Variants in NCAM2 observed in about 807,000 individuals in gnomAD.
NCAM2 encodes neural cell adhesion molecule 2.
A neutral mutation model predicts 98.1 loss-of-function variants in NCAM2; 30 were observed. The observed-to-expected ratio is 0.31, with a 90% CI of 0.23 to 0.41. The LOEUF is 0.41. Among genes scored for constraint, NCAM2 ranks in the 10% least tolerant of loss-of-function variants. The pLI, the probability that NCAM2 is intolerant of heterozygous loss-of-function variation, is 1.00. For synonymous variants in NCAM2, 368 were observed against 342.4 expected (o/e 1.07, Z -0.83); for missense variants, 867 against 1,005.8 (o/e 0.86, Z 1.87).
chr21:21,306,810 C>T (rs1035882332), intron 5 of NCAM2, among the ~76,000 whole-genome samples: 1 of 151,990 alleles, frequency 6.6e-6, no homozygotes, highest in Admixed American at 6.6e-5. Flanking sequence ...TATTTTTGTA[C>T]CCATTTACCA....
chr21:21,197,331 T>C (rs1189925329), intron 1 of NCAM2, among the ~76,000 whole-genome samples: 1 of 152,124 alleles, frequency 6.6e-6, no homozygotes. Flanking sequence ...GGTTTCACCA[T>C]GTTGGCCAGG....
At chr21:21,212,829 G>A (rs890971643) in intron 1 of NCAM2, among the ~76,000 whole-genome samples, 15 of 144,236 alleles carry the variant, frequency 1.0e-4, no homozygotes, top group Admixed American at 1.0e-3. Flanking sequence ...TGCGAGCACC[G>A]CCTCCCGGGC....
chr21:21,102,036 C>G (rs964340859), intron 1 of NCAM2, among the ~76,000 whole-genome samples: 6 of 152,012 alleles, frequency 3.9e-5, no homozygotes, highest in African/African-American at 1.4e-4. Context: ...CTTTGTGCAA[C>G]ATTGATGTTG....
chr21:21,169,006 A>G (rs766482784), intron 1 of NCAM2, among the ~76,000 whole-genome samples: 4 of 152,176 alleles, frequency 2.6e-5, no homozygotes, highest in Non-Finnish European at 5.9e-5. Flanking sequence ...GCAGAAGAAC[A>G]AAGTTGGAAG....
At chr21:21,029,508 AC>A (rs201905679) in intron 1 of NCAM2, among the ~76,000 whole-genome samples, 2,656 of 152,314 alleles carry the variant, frequency 0.017, 67 homozygotes, top group African/African-American at 0.061. Flanking sequence ...AGAACTTAGG[AC>A]AGTGGATTTG....
chr21:21,340,111 A>G (rs2074983574), intron 8 of NCAM2, among the ~76,000 whole-genome samples: 1 of 151,862 alleles, frequency 6.6e-6, no homozygotes, highest in Non-Finnish European at 1.5e-5. Context: ...CGTATCTGAA[A>G]CCATAGAGGA....
chr21:21,445,262 C>T (rs1018341660), intron 12 of NCAM2, among the ~76,000 whole-genome samples: 2 of 151,888 alleles, frequency 1.3e-5, no homozygotes, highest in Admixed American at 6.6e-5. Context: ...ATTACGTGGT[C>T]GATTTTAGAA....
At chr21:21,513,416 A>G (rs1251002057) in intron 16 of NCAM2, among the ~76,000 whole-genome samples, 1 of 151,988 alleles carries the variant, frequency 6.6e-6, no homozygotes, top group Non-Finnish European at 1.5e-5. Flanking sequence ...TGTTTCAATA[A>G]ATTTTTAATT....
intron 1 of NCAM2, among the ~76,000 whole-genome samples, chr21:21,118,742 A>G (rs1403340030): frequency 6.6e-6 from 1 of 151,796 alleles, no homozygotes; most frequent in Non-Finnish European, 1.5e-5. Context: ...ACCCACATCC[A>G]TCCTCAACAC....
At chr21:21,020,403 A>G (rs1306988173) in intron 1 of NCAM2, among the ~76,000 whole-genome samples, 1 of 152,032 alleles carries the variant, frequency 6.6e-6, no homozygotes, top group Non-Finnish European at 1.5e-5. Context: ...CTTCCCTGAC[A>G]TTACTCGAAC....
intron 5 of NCAM2, among the ~76,000 whole-genome samples, chr21:21,310,598 T>C (rs925618897): frequency 1.3e-5 from 2 of 152,234 alleles, no homozygotes; most frequent in African/African-American, 4.8e-5. Context: ...TATCAGCTTA[T>C]TGAATCTGAT....
At chr21:21,427,925 G>A (rs923641124) in intron 11 of NCAM2, among the ~76,000 whole-genome samples, 1 of 152,162 alleles carries the variant, frequency 6.6e-6, no homozygotes, top group South Asian at 2.1e-4. Flanking sequence ...TAGGGTTTAA[G>A]TGCTCAACAT....
At chr21:21,439,620 G>T (rs1978947221) in intron 12 of NCAM2, among the ~76,000 whole-genome samples, 1 of 152,064 alleles carries the variant, frequency 6.6e-6, no homozygotes, top group Admixed American at 6.6e-5. Context: ...TGATAGGTCA[G>T]AAAACTAATT....
chr21:21,045,226 A>G (rs1286080832), intron 1 of NCAM2, among the ~76,000 whole-genome samples: 1 of 152,226 alleles, frequency 6.6e-6, no homozygotes, highest in East Asian at 1.9e-4. Context: ...TCCACTCCTG[A>G]TGTCACTTCA....
At chr21:21,001,776 A>G (rs2064023083) in intron 1 of NCAM2, among the ~76,000 whole-genome samples, 1 of 152,202 alleles carries the variant, frequency 6.6e-6, no homozygotes, top group Non-Finnish European at 1.5e-5. Flanking sequence ...CACTTAGAAC[A>G]CTTACCTAAG....
intron 16 of NCAM2, among the ~76,000 whole-genome samples, chr21:21,529,356 A>T (rs1989499768): frequency 6.6e-6 from 1 of 152,028 alleles, no homozygotes; most frequent in Admixed American, 6.6e-5. Context: ...TTCAATATTA[A>T]ATTTGTTTTG....
chr21:21,130,685 A>C (rs1252004451), intron 1 of NCAM2, among the ~76,000 whole-genome samples: 1 of 152,000 alleles, frequency 6.6e-6, no homozygotes, highest in African/African-American at 2.4e-5. Context: ...GAAATGCTTT[A>C]ATTTTTGCTT....
At chr21:21,492,259 T>TA (rs1986902617) in intron 15 of NCAM2, among the ~76,000 whole-genome samples, 2 of 151,852 alleles carry the variant, frequency 1.3e-5, no homozygotes, top group South Asian at 4.1e-4. Flanking sequence ...TTGGTACAAG[T>TA]AAATTTCTGA....
intron 1 of NCAM2, among the ~76,000 whole-genome samples, chr21:21,242,187 A>G (rs2071089662): frequency 1.3e-5 from 2 of 152,048 alleles, no homozygotes; most frequent in Admixed American, 1.3e-4. Context: ...TGTATTTTTA[A>G]TTTAACTTTT....
Sources: gnomAD v4.1 joint callset for allele counts (sites outside exome capture counted in the v4.1 genomes callset) on GRCh38, gnomAD v4.1.1 for gene constraint, MANE v1.5 for transcripts, NCBI Gene and HGNC (gene_info 2026-07-23, HGNC 2026-07-21) for gene names.